The following USP48 variants were observed in gnomAD, a reference collection of about 807,000 sequenced individuals.
USP48 encodes the protein ubiquitin carboxyl-terminal hydrolase 48.
Under a neutral mutation model 150.7 loss-of-function variants are expected in USP48, and 43 were observed. That is an observed-to-expected ratio of 0.29 (90% CI 0.22 to 0.37). The LOEUF (loss-of-function observed/expected upper bound fraction) is 0.37, where lower values mean the gene tolerates loss of function less well. Among genes scored for constraint, USP48 ranks in the 10% least tolerant of loss-of-function variants. USP48 has a pLI of 1.00. For missense variants in USP48, 813 were observed against 1,249.6 expected (o/e 0.65, Z 5.27); for synonymous variants, 396 against 425.9 (o/e 0.93, Z 0.86).
At chr1:21,682,991 T>C (rs1003671377) in intron 25 of USP48, among the ~76,000 whole-genome samples, 9 of 151,812 alleles carry the variant, frequency 5.9e-5, no homozygotes, top group African/African-American at 2.2e-4. Context: ...CCAGGTGCAA[T>C]AGCTCACATC....
chr1:21,694,601 A>ACAAAC (rs1557429270), intron 23 of USP48, among the ~76,000 whole-genome samples: 16 of 70,042 alleles, frequency 2.3e-4, no homozygotes, highest in African/African-American at 5.9e-4. Context: ...AAAAAAAAAA[A>ACAAAC]AAAAAACCCC....
At chr1:21,778,268 A>T (rs1445540894) in intron 1 of USP48, among the ~76,000 whole-genome samples, 2 of 152,210 alleles carry the variant, frequency 1.3e-5, no homozygotes, top group South Asian at 4.1e-4. Flanking sequence ...ATGAATGGCC[A>T]ATAAGTACAC....
rs962634507 is a variant in USP48 at position 21,747,244 on chromosome 1, T to C, written c.909-95A>G. 3 of 713,726 alleles carry C rather than the reference T, an allele frequency of 4.2e-6. No homozygotes were observed. The African/African-American group carries it at 5.5e-5, about 13-fold the overall frequency. 44.2% of individuals were successfully genotyped at this position (713,726 alleles called of 1,614,324 possible). A position where few individuals can be genotyped will look rare whatever the true frequency, so the allele number is the denominator to read the frequency against. On this transcript the variant is annotated intron_variant, in intron 7 of 26. Coordinates refer to ENST00000308271, the MANE Select transcript of USP48 (RefSeq NM_032236.8). ...CTATTTTAATAAACTCAACAGTAGC[T>C]AGCTTTCACTTCACAATCTTCCTCC...
rs568053511 is a variant in USP48 at position 21,752,154 on chromosome 1, G to A, written c.665+373C>T. Reference sequence around the variant, plus strand: ...CATGAATATATCGCACTGTGGTGAAGTCTAGGTTTTAATGTAACCATCACC... The same window carrying A: ...CATGAATATATCGCACTGTGGTGAAATCTAGGTTTTAATGTAACCATCACC... On this transcript the variant is annotated intron_variant, in intron 5 of 26. Transcript: ENST00000308271. Among the ~76,000 whole-genome samples the A allele has an allele frequency of 2.1e-3, 320 of 152,276 alleles. 3 individuals are homozygous for A. The highest frequency in any genetic ancestry group is 7.4e-3 in the African/African-American group (308 of 41,550).
At chr1:21,737,654 A>G (rs889054497) in intron 8 of USP48, among the ~76,000 whole-genome samples, 1 of 152,196 alleles carries the variant, frequency 6.6e-6, no homozygotes, top group Non-Finnish European at 1.5e-5. Flanking sequence ...GGAAAACAAA[A>G]CAATTCATTA....
chr1:21,781,811 CTTGA>C (rs1357384755), intron 1 of USP48: 5 of 152,216 alleles, frequency 3.3e-5, no homozygotes, highest in African/African-American at 1.2e-4. Flanking sequence ...CTGACTGAAG[CTTGA>C]TTATTTCTAT....
At chr1:21,750,881 T>C (rs2097810551) in intron 6 of USP48, among the ~76,000 whole-genome samples, 1 of 132,432 alleles carries the variant, frequency 7.6e-6, no homozygotes, top group Non-Finnish European at 1.6e-5. Context: ...AAACTCCATC[T>C]CAAAAAAAAA....
intron 9 of USP48, among the ~76,000 whole-genome samples, chr1:21,732,512 C>T (rs925611903): frequency 1.4e-4 from 21 of 152,222 alleles, no homozygotes; most frequent in African/African-American, 4.3e-4. Flanking sequence ...AAAAAAAGTA[C>T]ATTTACAGTA....
chr1:21,735,640 G>C (rs1435159004), intron 9 of USP48, among the ~76,000 whole-genome samples: 3 of 152,204 alleles, frequency 2.0e-5, no homozygotes, highest in Admixed American at 1.3e-4. Context: ...TGTAATCCCA[G>C]CACCTTGGGG....
At chr1:21,722,657 C>T (rs1477158312) in intron 12 of USP48, among the ~76,000 whole-genome samples, 3 of 152,012 alleles carry the variant, frequency 2.0e-5, no homozygotes, top group African/African-American at 7.3e-5. Context: ...CCAGCCTGGG[C>T]AACATGATGA....
Position 21,753,114 on chromosome 1 carries a change from C to A in USP48, c.418G>T (p.Glu140Ter). The A allele has an allele frequency of 6.3e-7, 1 of 1,597,656 alleles. No individual in the cohort carries two copies. The highest frequency in any genetic ancestry group is 1.8e-5 in the Admixed American group (1 of 54,528). ...AGATGCTCACAAATTGTTTGAGGCT[C>A]ATAATCTATTAAAACAAAAATATAG... ...GDGIQEEKDYEPQTICEHLQY... is the reference protein window; with the variant it reads ...GDGIQEEKDY The change falls in exon 4 of 27, where the codon GAG (glutamate) becomes TAG (stop). Residue 140 changes from glutamate to a stop codon, truncating the protein, a stop_gained. Transcript: ENST00000308271. LOFTEE classifies it high-confidence loss of function.
chr1:21,721,858 T>G (rs1323727417), intron 12 of USP48, 94 bp from the exon 13 acceptor site: 4 of 859,572 alleles, frequency 4.7e-6, no homozygotes, highest in Non-Finnish European at 6.7e-6. Flanking sequence ...ACAGACACAT[T>G]CTAAACCAAA....
intron 22 of USP48, among the ~76,000 whole-genome samples, chr1:21,699,366 T>G (rs1352875039): frequency 7.6e-6 from 1 of 132,368 alleles, no homozygotes. Context: ...GCCCGGCTAA[T>G]TTTTTGTATT....
In USP48 at chr1:21,701,589, G is replaced by T; in HGVS notation, c.2636C>A (p.Ser879Ter). 6.2e-7 allele frequency: 1 copy of T among 1,613,528 alleles called. No individual in the cohort carries two copies. The highest frequency in any genetic ancestry group is 1.1e-5 in the South Asian group (1 of 91,042). Residue 879 changes from serine to a stop codon, truncating the protein, a stop_gained, in exon 22 of 27, where the codon TCG (serine) becomes TAG (stop). Transcript: ENST00000308271. LOFTEE classifies it high-confidence loss of function. ...VVDNKKVMKDSAPELNVSSSE... is the reference protein window; with the variant it reads ...VVDNKKVMKD ...ACTACTCACATTCAGTTCCGGAGCC[G>T]AATCCTTCATCACCTGAATGTGCCA...
At chr1:21,753,802 G>C (rs2097823637) in intron 3 of USP48, among the ~76,000 whole-genome samples, 2 of 144,018 alleles carry the variant, frequency 1.4e-5, no homozygotes, top group African/African-American at 5.2e-5. Flanking sequence ...ACTCCAGCCT[G>C]GATGACAGAG....
intron 24 of USP48, among the ~76,000 whole-genome samples, chr1:21,687,729 A>G (rs2097583606): frequency 6.6e-6 from 1 of 152,226 alleles, no homozygotes; most frequent in African/African-American, 2.4e-5. Context: ...TGAGCTTATG[A>G]TAAGGTTAGC....
chr1:21,724,333 C>T (rs914283626), intron 11 of USP48: 6 of 599,078 alleles, frequency 1.0e-5, no homozygotes, highest in African/African-American at 1.9e-5. Flanking sequence ...CCTATGAGAT[C>T]GGCTGGTATT....
chr1:21,740,884 T>C (rs1002234318), intron 8 of USP48, among the ~76,000 whole-genome samples: 4 of 152,142 alleles, frequency 2.6e-5, no homozygotes, highest in Admixed American at 2.0e-4. Context: ...CAAAACTCTA[T>C]AAATGGTTTA....
chr1:21,757,441 TATTA>T (rs2097839583), intron 2 of USP48: 2 of 385,488 alleles, frequency 5.2e-6, no homozygotes, highest in Non-Finnish European at 9.0e-6. Context: ...AAACTAAAAC[TATTA>T]TTTAAAGGCT....
Sources: allele counts gnomAD v4.1 joint callset (sites outside exome capture counted in the v4.1 genomes callset), GRCh38; gene constraint gnomAD v4.1.1; transcripts MANE v1.5; gene names NCBI Gene and HGNC (gene_info 2026-07-23, HGNC 2026-07-21).